The following CYFIP1 variants were observed in gnomAD, a reference collection of about 807,000 sequenced individuals.
The protein encoded by CYFIP1 is cytoplasmic FMR1 interacting protein 1, also known as cytoplasmic FMR1-interacting protein 1.
CYFIP1 carries 58 observed loss-of-function variants against 163.5 expected under a neutral mutation model. That is an observed-to-expected ratio of 0.35 (90% CI 0.29 to 0.44). The LOEUF (loss-of-function observed/expected upper bound fraction) is 0.44. CYFIP1 is among the 20% of genes least tolerant of loss of function. The pLI, the probability that CYFIP1 is intolerant of heterozygous loss-of-function variation, is 1.00. For missense variants in CYFIP1, 1,338 were observed against 1,653.8 expected, an observed-to-expected ratio of 0.81 and a Z score of 3.31; for synonymous variants, 663 against 660.7, an observed-to-expected ratio of 1.00 and a Z score of -0.05.
At position 22,954,043 on chromosome 15, in the gene CYFIP1, G is replaced by A. The variant is rs1187771936; in HGVS notation, c.-6-6752C>T. ...TGCACTCCAGCCTGGGTGACAGAGC[G>A]AAGACTGTCTCAAAAAAACAAAAAC... On this transcript the variant is annotated intron_variant, in intron 1 of 30. Transcript: ENST00000617928. Among the ~76,000 whole-genome samples, 7 of 151,562 alleles carry A rather than the reference G, an allele frequency of 4.6e-5. No homozygotes were observed. In the South Asian group the frequency reaches 8.4e-4, roughly 18 times the overall value.
intron 13 of CYFIP1, among the ~76,000 whole-genome samples, chr15:22,922,353 C>T (rs140567129): frequency 4.6e-5 from 7 of 152,214 alleles, no homozygotes; most frequent in Non-Finnish European, 8.8e-5. Context: ...GGGAGCTGCC[C>T]TGGTGAGCCA....
At chr15:22,980,178 G>T (rs1273255109) in intron 1 of CYFIP1, 109 bp downstream of exon 1, 1 of 8,176 alleles carries the variant, frequency 1.2e-4, no homozygotes, top group Non-Finnish European at 5.6e-4. Flanking sequence ...TTGGGGGGGA[G>T]GGGGGGGTCC....
chr15:22,956,067 C>T (rs965549352), intron 1 of CYFIP1, among the ~76,000 whole-genome samples: 1 of 151,990 alleles, frequency 6.6e-6, no homozygotes, highest in Admixed American at 6.6e-5. Flanking sequence ...ATCAGCTGGG[C>T]ATGGTGGTAG....
At chr15:22,959,296 A>G (rs2062593221) in intron 1 of CYFIP1, among the ~76,000 whole-genome samples, 1 of 152,252 alleles carries the variant, frequency 6.6e-6, no homozygotes, top group African/African-American at 2.4e-5. Flanking sequence ...TTTAAAAGGC[A>G]CAAAGGGAAG....
chr15:22,975,274 C>T (rs771143523), intron 1 of CYFIP1, among the ~76,000 whole-genome samples: 22 of 151,938 alleles, frequency 1.4e-4, no homozygotes, highest in Admixed American at 4.6e-4. Context: ...TATACTTGTC[C>T]AGCCTGGCCA....
chr15:22,892,238 T>G (rs967153114), intron 23 of CYFIP1, among the ~76,000 whole-genome samples: 1 of 152,228 alleles, frequency 6.6e-6, no homozygotes, highest in Non-Finnish European at 1.5e-5. Flanking sequence ...TTCATCTCTC[T>G]TCGTTGCTAC....
chr15:22,870,031 G>A lies in CYFIP1; in HGVS notation c.3759C>T (p.Ser1253=), dbSNP rs765182866. The A allele has an allele frequency of 1.0e-5, 16 of 1,599,248 alleles. No individual in the cohort carries two copies. Among genetic ancestry groups the A allele is most frequent in the Non-Finnish European group, 1.3e-5 (15 of 1,175,218 alleles). ...QPPIHQSLAS[S] is the part of the protein sequence containing the mutation. ...TTACGGAGTGCAGCGCGTGCCCTCA[G>A]CTGCTGGCGAGGGACTGGTGGATGG... The change falls in exon 31 of 31, where the codon AGC becomes AGT. Residue 1253 remains serine, a synonymous_variant. Transcript: ENST00000617928.
At position 22,939,206 on chromosome 15, in the gene CYFIP1, G is replaced by T. The variant is rs144178528; in HGVS notation, c.781C>A (p.His261Asn). The change falls in exon 8 of 31, where the codon CAC (histidine) becomes AAC (asparagine). Residue 261 changes from histidine (H) to asparagine (N), a missense_variant. Coordinates refer to ENST00000617928, the MANE Select transcript of CYFIP1 (RefSeq NM_014608.6). ...CACACACGTACTTTGAGAAGCATGT[G>T]TTTCTCACTGGGCGTCAAATACATC... is the stretch of plus-strand genomic sequence containing the variant. ...NRMYLTPSEK[H>N]MLLKVMGFGL... The T allele has an allele frequency of 9.9e-5, 159 of 1,614,074 alleles. No homozygotes were observed. Among genetic ancestry groups the T allele is most frequent in the Non-Finnish European group, 1.7e-5 (20 of 1,180,042 alleles).
intron 1 of CYFIP1, among the ~76,000 whole-genome samples, chr15:22,974,790 T>A (rs1336468358): frequency 1.3e-5 from 2 of 152,178 alleles, no homozygotes; most frequent in Admixed American, 6.5e-5. Context: ...AGAAATCTTC[T>A]AAAAATTATT....
chr15:22,885,279 C>T (rs1026991299), intron 23 of CYFIP1, among the ~76,000 whole-genome samples: 23 of 152,100 alleles, frequency 1.5e-4, no homozygotes, highest in African/African-American at 5.6e-4. Context: ...TTCAATGTAC[C>T]ACGTATCTCT....
At chr15:22,891,691 T>C (rs2141947127) in intron 23 of CYFIP1, among the ~76,000 whole-genome samples, 1 of 152,342 alleles carries the variant, frequency 6.6e-6, no homozygotes, top group South Asian at 2.1e-4. Flanking sequence ...TGCCCTGATT[T>C]GGGTGTTTGC....
rs1402106352 is a variant in CYFIP1, at chr15:22,868,301, T to TAA, written c.*1725_*1726dup. ...TGTACCTACATCTGTGCTTTGTACATAAAAGAACCAGTTTTCTCCCCCTTG... is the reference window on the plus strand; with the variant it reads ...TGTACCTACATCTGTGCTTTGTACATAAAAAAGAACCAGTTTTCTCCCCCTTG... On this transcript the variant is annotated 3_prime_UTR_variant, in exon 31 of 31. Transcript: ENST00000617928. 6.6e-6 allele frequency: 1 copy of TAA among 152,224 alleles called. No homozygotes were observed. Among genetic ancestry groups the TAA allele is most frequent in the Non-Finnish European group, 1.5e-5 (1 of 68,042 alleles). The allele number at this position is 152,224 out of a possible 1,614,324, so 9.4% of individuals were successfully genotyped here.
intron 8 of CYFIP1, among the ~76,000 whole-genome samples, chr15:22,938,335 G>A (rs1251584675): frequency 1.3e-5 from 2 of 152,214 alleles, no homozygotes; most frequent in Non-Finnish European, 2.9e-5. Flanking sequence ...GGGGCATGGT[G>A]GCTTATGCCT....
At chr15:22,957,989 G>A (rs949959933) in intron 1 of CYFIP1, among the ~76,000 whole-genome samples, 18 of 152,268 alleles carry the variant, frequency 1.2e-4, no homozygotes, top group South Asian at 4.1e-4. Context: ...CGGCCTGACC[G>A]CACGGCTGCA....
chr15:22,922,064 G>A (rs2061202916), intron 13 of CYFIP1, among the ~76,000 whole-genome samples: 1 of 150,830 alleles, frequency 6.6e-6, no homozygotes, highest in African/African-American at 2.4e-5. Flanking sequence ...CAGCAGGCTG[G>A]GGAGAATGAA....
In CYFIP1 at chr15:22,870,478, TTTAAA is replaced by T. The variant is rs547022409; in HGVS notation, c.3598-291_3598-287del. On this transcript the variant is annotated intron_variant, in intron 30 of 30. Transcript: ENST00000617928. ...CGTGTACCACCACACGCAGCTAATTTTTAAATTTAATTTTGTAAAGACAAGGTCTT... is the reference window on the plus strand; with the variant it reads ...CGTGTACCACCACACGCAGCTAATTTTTTAATTTTGTAAAGACAAGGTCTT... Among the ~76,000 whole-genome samples, 14 of 152,086 alleles carry T rather than the reference TTTAAA, an allele frequency of 9.2e-5. No homozygotes were observed. The East Asian group carries it at 2.7e-3, about 29-fold the overall frequency.
At chr15:22,966,693 GCCATCCTGAAGATTTCT>G (rs1485478057) in intron 1 of CYFIP1, among the ~76,000 whole-genome samples, 1 of 152,028 alleles carries the variant, frequency 6.6e-6, no homozygotes, top group Non-Finnish European at 1.5e-5. Context: ...GAAAGGCAAT[GCCATCCTGAAGATTTCT>G]CAACTAAGAG....
In CYFIP1 at chr15:22,877,921, C is replaced by G. The variant is rs375477321; in HGVS notation, c.3042+1992G>C. Among the ~76,000 whole-genome samples, 18 of 152,382 alleles carry G rather than the reference C, an allele frequency of 1.2e-4. No homozygotes were observed. In the East Asian group the frequency reaches 3.3e-3, roughly 28 times the overall value. On this transcript the variant is annotated intron_variant, in intron 26 of 30. Coordinates refer to ENST00000617928, the MANE Select transcript of CYFIP1 (RefSeq NM_014608.6). ...CCCCTGACATGTGAGCCAACACATT[C>G]TCTTTCACCGCACAGGCTGGTGTGA...
rs184082808 is a variant in CYFIP1, at chr15:22,951,494, T to G, written c.-6-4203A>C. ...GTGATGCCGCTCGGAGGGGCCAGGC[T>G]GCCTGAGGACGTGCTTCGGCCCCAT... On this transcript the variant is annotated intron_variant, in intron 1 of 30. Transcript: ENST00000617928. The G allele has an allele frequency of 1.6e-4, 211 of 1,288,878 alleles. 2 individuals are homozygous for G. In the East Asian group the frequency reaches 9.9e-3, roughly 61 times the overall value. The allele number at this position is 1,288,878 out of a possible 1,614,324, so 79.8% of individuals were successfully genotyped here. A position where few individuals can be genotyped will look rare whatever the true frequency, so the allele number is the denominator to read the frequency against.
Sources: allele counts gnomAD v4.1 joint callset (sites outside exome capture counted in the v4.1 genomes callset), GRCh38; gene constraint gnomAD v4.1.1; transcripts MANE v1.5; gene names NCBI Gene and HGNC (gene_info 2026-07-23, HGNC 2026-07-21).